Variants in TOP6BL observed in about 807,000 individuals in gnomAD.
TOP6BL encodes the protein TOP6B like initiator of meiotic double strand breaks, also known as type 2 DNA topoisomerase 6 subunit B-like.
the TOP6BL span, among the ~76,000 whole-genome samples, chr11:66,770,848 G>A: frequency 6.6e-6 from 1 of 151,992 alleles, no homozygotes; most frequent in Non-Finnish European, 1.5e-5. Flanking sequence ...ATAATCCCCT[G>A]CTGCCTTGAC....
chr11:66,828,305 G>C, the TOP6BL span: 1 of 1,613,834 alleles, frequency 6.2e-7, no homozygotes, highest in Middle Eastern at 1.6e-4. Context: ...ACTGCACAAA[G>C]TATTTCGTGA....
At chr11:66,780,820 G>A in the TOP6BL span, among the ~76,000 whole-genome samples, 1 of 152,068 alleles carries the variant, frequency 6.6e-6, no homozygotes, top group East Asian at 1.9e-4. Flanking sequence ...GGCCTCAAGC[G>A]ATCCACCTAC....
chr11:66,789,966 G>A, the TOP6BL span, among the ~76,000 whole-genome samples: 1 of 152,098 alleles, frequency 6.6e-6, no homozygotes, highest in African/African-American at 2.4e-5. Context: ...TAGGTACAGT[G>A]TCTTAAGATA....
chr11:66,793,444 GTTTTTTT>G, the TOP6BL span, among the ~76,000 whole-genome samples: 4 of 97,988 alleles, frequency 4.1e-5, no homozygotes, highest in Admixed American at 3.4e-4. Context: ...TTCTTTTTTT[GTTTTTTT>G]TTTTTTTTTT....
the TOP6BL span, among the ~76,000 whole-genome samples, chr11:66,841,412 G>A: frequency 3.9e-5 from 6 of 151,916 alleles, no homozygotes; most frequent in East Asian, 9.7e-4. Context: ...CACCGCGCCC[G>A]GCCAAGAGGC....
At chr11:66,784,250 G>A in the TOP6BL span, among the ~76,000 whole-genome samples, 5 of 152,072 alleles carry the variant, frequency 3.3e-5, no homozygotes, top group African/African-American at 4.8e-5. Context: ...AGCCAGGATG[G>A]TCTCGATCTC....
the TOP6BL span, among the ~76,000 whole-genome samples, chr11:66,785,287 C>A: frequency 6.6e-6 from 1 of 152,010 alleles, no homozygotes. Flanking sequence ...TACCCCATTA[C>A]TTTCTGTTTA....
chr11:66,828,664 G>T, the TOP6BL span: 1 of 226,462 alleles, frequency 4.4e-6, no homozygotes, highest in East Asian at 9.4e-5. Flanking sequence ...AGAAGACACT[G>T]TAGGATAATT....
chr11:66,753,060 C>T, the TOP6BL span, among the ~76,000 whole-genome samples: 4 of 151,738 alleles, frequency 2.6e-5, no homozygotes, highest in East Asian at 2.0e-4. Flanking sequence ...ACCTGGGAGG[C>T]GGAGGTTGCA....
At chr11:66,800,095 T>C in the TOP6BL span, among the ~76,000 whole-genome samples, 1 of 150,578 alleles carries the variant, frequency 6.6e-6, no homozygotes, top group Non-Finnish European at 1.5e-5. Flanking sequence ...AAAAACTAAC[T>C]GTATTCCATT....
At chr11:66,809,799 G>C in the TOP6BL span, among the ~76,000 whole-genome samples, 1,643 of 152,220 alleles carry the variant, frequency 0.011, 34 homozygotes, top group African/African-American at 0.037. Context: ...GAACTTCTGG[G>C]GTTAAGCAGT....
the TOP6BL span, among the ~76,000 whole-genome samples, chr11:66,809,789 G>A: frequency 3.3e-5 from 5 of 152,088 alleles, no homozygotes; most frequent in South Asian, 6.2e-4. Flanking sequence ...CTGCAACCTC[G>A]AACTTCTGGG....
At chr11:66,774,081 T>A in the TOP6BL span, among the ~76,000 whole-genome samples, 2 of 152,176 alleles carry the variant, frequency 1.3e-5, no homozygotes, top group Admixed American at 1.3e-4. Context: ...TATTATTACA[T>A]CTAGTGAATC....
At chr11:66,833,584 G>T in the TOP6BL span, among the ~76,000 whole-genome samples, 1 of 152,086 alleles carries the variant, frequency 6.6e-6, no homozygotes, top group African/African-American at 2.4e-5. Context: ...GGACTCCTCA[G>T]GATCTAGGAG....
the TOP6BL span, among the ~76,000 whole-genome samples, chr11:66,783,480 G>A: frequency 1.3e-5 from 2 of 152,184 alleles, no homozygotes; most frequent in South Asian, 2.1e-4. Context: ...CTGACATTTA[G>A]CATTGCTAAC....
At chr11:66,826,242 AT>A in the TOP6BL span, among the ~76,000 whole-genome samples, 1 of 152,156 alleles carries the variant, frequency 6.6e-6, no homozygotes, top group East Asian at 1.9e-4. Flanking sequence ...ATTTTTACTC[AT>A]TATCTCATAT....
chr11:66,819,466 G>A, the TOP6BL span, among the ~76,000 whole-genome samples: 1 of 152,178 alleles, frequency 6.6e-6, no homozygotes. Flanking sequence ...ACTGTACAGT[G>A]TACATTTCAA....
chr11:66,767,897 C>G, the TOP6BL span, among the ~76,000 whole-genome samples: 2 of 152,074 alleles, frequency 1.3e-5, no homozygotes, highest in Non-Finnish European at 2.9e-5. Context: ...CTCAAGGGAT[C>G]CTCCCATTTA....
At chr11:66,828,151 T>C in the TOP6BL span, 2 of 665,162 alleles carry the variant, frequency 3.0e-6, no homozygotes, top group Admixed American at 2.6e-5. Context: ...CTCTTAACTT[T>C]AATGGCTTGC....
Sources: gnomAD v4.1 joint callset for allele counts (sites outside exome capture counted in the v4.1 genomes callset) on GRCh38, gnomAD v4.1.1 for gene constraint, MANE v1.5 for transcripts, NCBI Gene and HGNC (gene_info 2026-07-23, HGNC 2026-07-21) for gene names.